PACRG: variants seen among roughly 807,000 people sequenced by gnomAD.
PACRG encodes the protein parkin coregulated.
In PACRG, 29 loss-of-function variants were observed where a neutral mutation model predicts 29.7. The observed-to-expected ratio is 0.98, with a 90% CI of 0.73 to 1.33. The LOEUF is 1.33. PACRG is among the 40% of genes most tolerant of loss of function. The pLI, the probability that PACRG is intolerant of heterozygous loss-of-function variation, is 0.00. For synonymous variants in PACRG, 116 were observed against 118.7 expected, an observed-to-expected ratio of 0.98 and a Z score of 0.15; for missense variants, 279 against 316.2, an observed-to-expected ratio of 0.88 and a Z score of 0.89.
chr6:163,005,419 C>T (rs2128204635), intron 2 of PACRG, among the ~76,000 whole-genome samples: 1 of 151,948 alleles, frequency 6.6e-6, no homozygotes, highest in Admixed American at 6.5e-5. Flanking sequence ...CTTTCTTCTT[C>T]TTTTCTAATA....
At chr6:162,915,603 C>CCT (rs1451348636) in intron 2 of PACRG, among the ~76,000 whole-genome samples, 1 of 151,860 alleles carries the variant, frequency 6.6e-6, no homozygotes, top group African/African-American at 2.4e-5. Flanking sequence ...TTGCTCTGTT[C>CCT]CTCTCTCTGT....
chr6:163,285,846 G>T (rs1223772961), intron 4 of PACRG, among the ~76,000 whole-genome samples: 1 of 152,100 alleles, frequency 6.6e-6, no homozygotes, highest in Admixed American at 6.5e-5. Flanking sequence ...TGCACCATCC[G>T]CCTCGACCGG....
At chr6:162,745,725 G>A (rs946128091) in intron 1 of PACRG, among the ~76,000 whole-genome samples, 2 of 152,014 alleles carry the variant, frequency 1.3e-5, no homozygotes, top group Non-Finnish European at 1.5e-5. Flanking sequence ...TAATACTTGA[G>A]GTCCAACAAC....
At chr6:162,799,283 C>T (rs1042050511) in intron 1 of PACRG, among the ~76,000 whole-genome samples, 8 of 152,152 alleles carry the variant, frequency 5.3e-5, no homozygotes, top group African/African-American at 1.4e-4. Flanking sequence ...AGATGCATTA[C>T]TATCTTTATT....
intron 2 of PACRG, among the ~76,000 whole-genome samples, chr6:162,984,486 G>A (rs924066077): frequency 1.3e-5 from 2 of 152,052 alleles, no homozygotes; most frequent in Non-Finnish European, 2.9e-5. Context: ...CAACATGCAT[G>A]TGCAAGTATC....
intron 2 of PACRG, among the ~76,000 whole-genome samples, chr6:162,975,114 C>G (rs892482104): frequency 6.6e-6 from 1 of 152,158 alleles, no homozygotes; most frequent in Non-Finnish European, 1.5e-5. Context: ...GTTCTCTCTG[C>G]CTTCTTGTCT....
At chr6:162,973,402 A>G (rs1412021211) in intron 2 of PACRG, among the ~76,000 whole-genome samples, 1 of 152,218 alleles carries the variant, frequency 6.6e-6, no homozygotes, top group African/African-American at 2.4e-5. Flanking sequence ...CATTTCATGC[A>G]TGATCACCTT....
At chr6:162,900,975 T>C (rs1454766544) in intron 2 of PACRG, among the ~76,000 whole-genome samples, 1 of 152,244 alleles carries the variant, frequency 6.6e-6, no homozygotes, top group African/African-American at 2.4e-5. Flanking sequence ...GTCTATCTTA[T>C]TTGCTTCAGC....
At chr6:163,047,525 C>T (rs1022338446) in intron 2 of PACRG, among the ~76,000 whole-genome samples, 7 of 152,074 alleles carry the variant, frequency 4.6e-5, no homozygotes, top group Non-Finnish European at 7.4e-5. Flanking sequence ...CTGTTACCGT[C>T]GGGAACATAC....
intron 2 of PACRG, among the ~76,000 whole-genome samples, chr6:162,947,612 A>ATATATATATATATATATATAAT (rs1799284215): frequency 1.7e-4 from 1 of 5,916 alleles, no homozygotes; most frequent in African/African-American, 5.2e-4. Context: ...ATATATAATC[A>ATATATATATATATATATATAAT]TATATATATA....
intron 2 of PACRG, among the ~76,000 whole-genome samples, chr6:162,967,213 C>T (rs1801113531): frequency 6.6e-6 from 1 of 151,076 alleles, no homozygotes; most frequent in East Asian, 2.0e-4. Flanking sequence ...AGATATTTTC[C>T]TAGAATACAT....
At chr6:162,947,618 A>G (rs1168062647) in intron 2 of PACRG, among the ~76,000 whole-genome samples, 1 of 33,662 alleles carries the variant, frequency 3.0e-5, no homozygotes, top group Non-Finnish European at 5.7e-5. Context: ...AATCATATAT[A>G]TATATATATA....
chr6:163,052,126 T>C (rs1450567938), intron 2 of PACRG: 1 of 152,150 alleles, frequency 6.6e-6, no homozygotes, highest in Non-Finnish European at 1.5e-5. Context: ...TTGTAAAATA[T>C]ATTATATATA....
intron 2 of PACRG, among the ~76,000 whole-genome samples, chr6:162,929,224 A>G (rs1797670776): frequency 1.3e-5 from 2 of 151,922 alleles, no homozygotes; most frequent in African/African-American, 4.8e-5. Flanking sequence ...ACTAATTTAC[A>G]TTCCCCCCAA....
chr6:162,911,966 C>A (rs1378305256), intron 2 of PACRG, among the ~76,000 whole-genome samples: 2 of 152,200 alleles, frequency 1.3e-5, no homozygotes, highest in African/African-American at 4.8e-5. Flanking sequence ...TCTTTCCAGT[C>A]TCTCCTCTCT....
At chr6:163,251,877 C>T (rs137869555) in intron 4 of PACRG, among the ~76,000 whole-genome samples, 9 of 152,234 alleles carry the variant, frequency 5.9e-5, no homozygotes, top group South Asian at 2.1e-4. Context: ...ACTAGCTGAG[C>T]GACCTTGGGT....
At chr6:162,971,986 C>A (rs1202503738) in intron 2 of PACRG, among the ~76,000 whole-genome samples, 1 of 152,200 alleles carries the variant, frequency 6.6e-6, no homozygotes, top group Non-Finnish European at 1.5e-5. Context: ...GGATCTCAGG[C>A]TCTAAGGCCT....
chr6:163,180,261 G>A (rs58970598), intron 4 of PACRG, among the ~76,000 whole-genome samples: 2 of 152,144 alleles, frequency 1.3e-5, no homozygotes, highest in African/African-American at 4.8e-5. Flanking sequence ...GTCCCTCACC[G>A]AGCTGATCCT....
chr6:162,857,368 A>G (rs1791488907), intron 2 of PACRG, among the ~76,000 whole-genome samples: 1 of 152,228 alleles, frequency 6.6e-6, no homozygotes, highest in African/African-American at 2.4e-5. Context: ...AATAGAATCC[A>G]GATACCGGAG....
Sources: gnomAD v4.1 joint callset for allele counts (sites outside exome capture counted in the v4.1 genomes callset) on GRCh38, gnomAD v4.1.1 for gene constraint, MANE v1.5 for transcripts, NCBI Gene and HGNC (gene_info 2026-07-23, HGNC 2026-07-21) for gene names.